PCDHA3: variants seen among roughly 807,000 people sequenced by gnomAD.
PCDHA3 encodes protocadherin alpha-3.
A neutral mutation model predicts 62.2 loss-of-function variants in PCDHA3; 41 were observed. That is an observed-to-expected ratio of 0.66 (90% CI 0.51 to 0.86). The LOEUF (loss-of-function observed/expected upper bound fraction) is 0.86. Ranked by LOEUF, PCDHA3 falls within the 40% of genes least tolerant of loss-of-function variation. The pLI, the probability that PCDHA3 is intolerant of heterozygous loss-of-function variation, is 0.00. For synonymous variants in PCDHA3, 640 were observed against 555.4 expected, an observed-to-expected ratio of 1.15 and a Z score of -2.14; for missense variants, 1,304 against 1,241.2, an observed-to-expected ratio of 1.05 and a Z score of -0.76.
In PCDHA3 at chr5:140,854,901, T is replaced by C. The variant is rs1371742566; in HGVS notation, c.2394+51310T>C. On this transcript the variant is annotated intron_variant, in intron 1 of 3. Transcript: ENST00000522353. ...CTTTTGGGCATTTGAAAAGCGTAAA[T>C]ATAACAGGGTTGAAAGCATTTGCCT... 1.1e-4 allele frequency among the ~76,000 whole-genome samples: 17 copies of C among 149,996 alleles called. No individual in the cohort carries two copies. In the Admixed American group the frequency reaches 1.1e-3, roughly 10 times the overall value.
intron 1 of PCDHA3, chr5:140,968,356 C>T (rs1586289885): frequency 1.2e-6 from 2 of 1,614,062 alleles, no homozygotes; most frequent in Non-Finnish European, 1.7e-6. Context: ...CCAGTGGCAG[C>T]CTTTATGCTG....
intron 1 of PCDHA3, among the ~76,000 whole-genome samples, chr5:140,881,717 G>A (rs374516377): frequency 2.6e-5 from 4 of 152,160 alleles, no homozygotes; most frequent in African/African-American, 9.7e-5. Flanking sequence ...GTGTGAGGAG[G>A]TCTTGAAAAA....
At chr5:140,840,962 C>T (rs188711112) in intron 1 of PCDHA3, among the ~76,000 whole-genome samples, 3 of 152,096 alleles carry the variant, frequency 2.0e-5, no homozygotes, top group African/African-American at 7.2e-5. Flanking sequence ...AAATTCCTTT[C>T]CTTATGAAGA....
chr5:140,855,941 C>A, intron 1 of PCDHA3: 1 of 1,328,220 alleles, frequency 7.5e-7, no homozygotes, highest in South Asian at 1.4e-5. Flanking sequence ...TCTGAGATCT[C>A]AGCCATTTCG....
rs1222255074 is a variant in PCDHA3 at position 141,012,119 on chromosome 5, A to G, written c.*2182A>G. ...CATTTTGCCCCACTGAAGCCCATGT[A>G]TCTGACCTTACGTGCCTTTTGAACT... On this transcript the variant is annotated 3_prime_UTR_variant, in exon 4 of 4. Coordinates refer to ENST00000522353, the MANE Select transcript of PCDHA3 (RefSeq NM_018906.3). 6.5e-6 allele frequency: 1 copy of G among 153,734 alleles called. No individual in the cohort carries two copies. Among genetic ancestry groups the G allele is most frequent in the African/African-American group, 2.4e-5 (1 of 41,454 alleles). 9.5% of individuals were successfully genotyped at this position (153,734 alleles called of 1,614,324 possible). A position where few individuals can be genotyped will look rare whatever the true frequency, so the allele number is the denominator to read the frequency against.
At chr5:141,004,532 C>G (rs569751588) in intron 3 of PCDHA3, among the ~76,000 whole-genome samples, 1 of 152,314 alleles carries the variant, frequency 6.6e-6, no homozygotes, top group African/African-American at 2.4e-5. Context: ...TACACACAGC[C>G]ATTAATGTCC....
chr5:140,824,992 A>T (rs1272467499), intron 1 of PCDHA3: 2 of 152,122 alleles, frequency 1.3e-5, no homozygotes, highest in Non-Finnish European at 2.9e-5. Context: ...GGAAACACAT[A>T]TACATGGTTT....
chr5:140,880,147 A>G (rs986031880), intron 1 of PCDHA3, among the ~76,000 whole-genome samples: 1 of 152,254 alleles, frequency 6.6e-6, no homozygotes, highest in African/African-American at 2.4e-5. Context: ...AAAGTGCAAT[A>G]TATCAAGTAT....
At position 140,823,172 on chromosome 5, in the gene PCDHA3, A is replaced by G. The variant is rs1554129177; in HGVS notation, c.2394+19581A>G. On this transcript the variant is annotated intron_variant, in intron 1 of 3. Coordinates refer to ENST00000522353, the MANE Select transcript of PCDHA3 (RefSeq NM_018906.3). ...CAGTATACCGTGTTCGTGAAGGAGAACAACCCGCCAGGCTGCCACATCTTC... is the reference window on the plus strand; with the variant it reads ...CAGTATACCGTGTTCGTGAAGGAGAGCAACCCGCCAGGCTGCCACATCTTC... The G allele has an allele frequency of 1.2e-5, 20 of 1,613,858 alleles. No individual in the cohort carries two copies. Among genetic ancestry groups the G allele is most frequent in the Middle Eastern group, 1.7e-4 (1 of 6,032 alleles).
intron 1 of PCDHA3, chr5:140,884,363 T>A (rs1444938392): frequency 6.2e-7 from 1 of 1,613,818 alleles, no homozygotes; most frequent in African/African-American, 1.3e-5. Context: ...TGTCAATGTT[T>A]ACTTGATCAT....
intron 1 of PCDHA3, among the ~76,000 whole-genome samples, chr5:140,964,252 T>C (rs569615423): frequency 4.6e-5 from 7 of 152,332 alleles, no homozygotes; most frequent in African/African-American, 1.7e-4. Context: ...GGCTTTATAT[T>C]TGACTCCTTA....
At chr5:140,879,878 T>C (rs1462304142) in intron 1 of PCDHA3, among the ~76,000 whole-genome samples, 1 of 152,198 alleles carries the variant, frequency 6.6e-6, no homozygotes, top group Non-Finnish European at 1.5e-5. Context: ...ATGGTCACAT[T>C]GCCTCCTCCT....
intron 1 of PCDHA3, chr5:140,843,437 G>A: frequency 6.3e-7 from 1 of 1,596,076 alleles, no homozygotes; most frequent in Non-Finnish European, 8.6e-7. Context: ...CGCCATCTGC[G>A]CGGTATCCAG....
intron 1 of PCDHA3, chr5:140,810,660 TTTTTC>T (rs1231337141): frequency 6.7e-5 from 9 of 133,380 alleles, no homozygotes; most frequent in African/African-American, 9.1e-5. Context: ...TAGTCTGTTG[TTTTTC>T]TTTTCTTTTT....
chr5:140,852,575 CTTTT>C, intron 1 of PCDHA3: 1 of 799,032 alleles, frequency 1.3e-6, no homozygotes, highest in Non-Finnish European at 1.5e-6. Context: ...TGTGCCAAGG[CTTTT>C]TTATTTTTTT....
intron 1 of PCDHA3, among the ~76,000 whole-genome samples, chr5:140,896,652 C>T (rs1393897195): frequency 2.6e-5 from 4 of 152,018 alleles, no homozygotes; most frequent in African/African-American, 9.7e-5. Flanking sequence ...GCTAGTATTA[C>T]AGGCATGAGT....
chr5:140,863,997 T>A (rs1186516549), intron 1 of PCDHA3: 1 of 152,666 alleles, frequency 6.6e-6, no homozygotes, highest in African/African-American at 2.4e-5. Context: ...TGAAACTCTG[T>A]CTTAAAAAAA....
rs146607016 is a variant in PCDHA3, at chr5:140,835,699, C to A, written c.2394+32108C>A. 1.1e-4 allele frequency: 183 copies of A among 1,613,916 alleles called. 1 individual carries two copies. The highest frequency in any genetic ancestry group is 1.4e-4 in the Non-Finnish European group (162 of 1,179,884). On this transcript the variant is annotated intron_variant, in intron 1 of 3. Transcript: ENST00000522353. ...GGCTCGCCTTCTCTGTGGGCCACTGCTAGCGTGTCCGTGGAGGTGGCCGAC... is the reference window on the plus strand; with the variant it reads ...GGCTCGCCTTCTCTGTGGGCCACTGATAGCGTGTCCGTGGAGGTGGCCGAC...
intron 1 of PCDHA3, chr5:140,835,296 A>G (rs2150233406): frequency 1.2e-6 from 2 of 1,612,776 alleles, no homozygotes; most frequent in Non-Finnish European, 8.5e-7. Flanking sequence ...AATCACAGTG[A>G]TAGGACATAT....
Sources: gnomAD v4.1 joint callset for allele counts (sites outside exome capture counted in the v4.1 genomes callset) on GRCh38, gnomAD v4.1.1 for gene constraint, MANE v1.5 for transcripts, NCBI Gene and HGNC (gene_info 2026-07-23, HGNC 2026-07-21) for gene names.